The following NCOA2 variants were observed in gnomAD, a reference collection of about 807,000 sequenced individuals.
The protein encoded by NCOA2 is class E basic helix-loop-helix protein 75.
Under a neutral mutation model 145.1 loss-of-function variants are expected in NCOA2, and 21 were observed. The observed-to-expected ratio is 0.14, with a 90% CI of 0.10 to 0.21. The LOEUF (loss-of-function observed/expected upper bound fraction) is 0.21, where lower values mean the gene tolerates loss of function less well. Ranked by LOEUF, NCOA2 falls within the 10% of genes least tolerant of loss-of-function variation. The pLI is 1.00. For synonymous variants in NCOA2, 619 were observed against 637.5 expected (o/e 0.97, Z 0.44); for missense variants, 1,472 against 1,837.6 (o/e 0.80, Z 3.64).
At chr8:70,259,918 A>G (rs953319729) in intron 2 of NCOA2, among the ~76,000 whole-genome samples, 1 of 152,240 alleles carries the variant, frequency 6.6e-6, no homozygotes, top group African/African-American at 2.4e-5. Flanking sequence ...AATTCACTGT[A>G]CTGAGTCCCT....
rs377192067 is a variant in NCOA2, at chr8:70,148,360, T to A, written c.2518A>T (p.Ile840Phe). The A allele has an allele frequency of 6.2e-7, 1 of 1,613,924 alleles. No homozygotes were observed. Among genetic ancestry groups the A allele is most frequent in the Admixed American group, 1.7e-5 (1 of 60,008 alleles). The stretch of plus-strand genomic sequence containing the variant: ...GCTGTGAGTTGCATGAGGTCATTGA[T>A]GATGGCTTGCTTGTCAACTGATCCA... The part of the protein sequence containing the change: ...PAGSVDKQAI[I>F]NDLMQLTAEN... Residue 840 changes from isoleucine (I) to phenylalanine (F), a missense_variant, in exon 12 of 23, where the codon ATC (isoleucine) becomes TTC (phenylalanine). Coordinates refer to ENST00000452400, the MANE Select transcript of NCOA2 (RefSeq NM_006540.4).
intron 15 of NCOA2, among the ~76,000 whole-genome samples, chr8:70,136,003 T>C (rs1809681611): frequency 6.6e-6 from 1 of 152,210 alleles, no homozygotes; most frequent in African/African-American, 2.4e-5. Flanking sequence ...AAGCAGCAGC[T>C]ACTGAATGAT....
chr8:70,247,098 T>A (rs993124791), intron 2 of NCOA2, among the ~76,000 whole-genome samples: 4 of 152,050 alleles, frequency 2.6e-5, no homozygotes, highest in African/African-American at 9.7e-5. Flanking sequence ...CCACTCAACA[T>A]AGAAATAAAT....
intron 2 of NCOA2, among the ~76,000 whole-genome samples, chr8:70,271,562 A>G (rs182150288): frequency 7.1e-4 from 108 of 152,320 alleles, no homozygotes; most frequent in Admixed American, 3.3e-3. Flanking sequence ...TGCTCTCACT[A>G]GACTTGACTA....
intron 2 of NCOA2, among the ~76,000 whole-genome samples, chr8:70,288,015 G>T (rs115224559): frequency 0.011 from 1,721 of 152,210 alleles, 42 homozygotes; most frequent in African/African-American, 0.039. Context: ...TCCCAATTTG[G>T]CCTCTAACTG....
intron 2 of NCOA2, among the ~76,000 whole-genome samples, chr8:70,249,882 G>A (rs2977976): frequency 0.75 from 111,755 of 148,266 alleles, 43,292 homozygotes; most frequent in Non-Finnish European, 0.84. Flanking sequence ...AGAATCGCTT[G>A]AACCTGGGAG....
At chr8:70,240,703 A>G (rs1822053520) in intron 2 of NCOA2, among the ~76,000 whole-genome samples, 1 of 152,172 alleles carries the variant, frequency 6.6e-6, no homozygotes, top group Admixed American at 6.6e-5. Flanking sequence ...CAACAATATT[A>G]TGTAACTTAC....
At chr8:70,427,881 T>C in the NCOA2 span, among the ~76,000 whole-genome samples, 2 of 152,206 alleles carry the variant, frequency 1.3e-5, no homozygotes, top group Non-Finnish European at 2.9e-5. Flanking sequence ...AACTGTGATG[T>C]TGTGGCTTTT....
intron 18 of NCOA2, 147 bp downstream of exon 18, chr8:70,128,286 C>T: frequency 1.5e-6 from 1 of 649,332 alleles, no homozygotes; most frequent in Non-Finnish European, 2.7e-6. Context: ...AAAAATATAA[C>T]ACACTAGTAG....
At chr8:70,237,478 T>C (rs1821734530) in intron 2 of NCOA2, among the ~76,000 whole-genome samples, 1 of 151,696 alleles carries the variant, frequency 6.6e-6, no homozygotes, top group Non-Finnish European at 1.5e-5. Flanking sequence ...TGTTAAAATT[T>C]AGGGCCAGGT....
At chr8:70,186,755 G>C (rs1216025840) in intron 4 of NCOA2, among the ~76,000 whole-genome samples, 6 of 152,122 alleles carry the variant, frequency 3.9e-5, no homozygotes, top group Admixed American at 3.9e-4. Context: ...TAAGAGATCA[G>C]GTAAAACAGT....
In NCOA2 at chr8:70,128,433, C is replaced by T; in HGVS notation, c.3681G>A (p.Gln1227=). Residue 1227 remains glutamine, a splice_region_variant and synonymous_variant, in exon 18 of 23, where the codon CAG becomes CAA. Transcript: ENST00000452400. ...NLTLRPGVPT[Q]APINAQMLAQ... ...GCTAATGGCTGGTATGTTGCCTTAC[C>T]TGTGTTGGTACTCCAGGCCTCAGAG... 4 of 1,611,106 alleles carry T rather than the reference C, an allele frequency of 2.5e-6. No individual in the cohort carries two copies. The highest frequency in any genetic ancestry group is 3.4e-6 in the Non-Finnish European group (4 of 1,178,662).
chr8:70,428,395 G>A, the NCOA2 span, among the ~76,000 whole-genome samples: 7 of 152,178 alleles, frequency 4.6e-5, no homozygotes, highest in African/African-American at 9.7e-5. Context: ...GGGAGGTTGA[G>A]GCTGCAGTAA....
chr8:70,130,546 C>CGTAAT, intron 16 of NCOA2, among the ~76,000 whole-genome samples: 1 of 152,086 alleles, frequency 6.6e-6, no homozygotes, highest in African/African-American at 2.4e-5. Context: ...ATTTTCCTTT[C>CGTAAT]TTATTTCAGG....
intron 11 of NCOA2, among the ~76,000 whole-genome samples, chr8:70,152,659 C>T (rs761636458): frequency 3.3e-5 from 5 of 152,140 alleles, no homozygotes; most frequent in Non-Finnish European, 7.4e-5. Context: ...AGTGTGTAAA[C>T]ATACTGGAAA....
chr8:70,166,066 C>T (rs1436555722), intron 7 of NCOA2, among the ~76,000 whole-genome samples: 2 of 152,160 alleles, frequency 1.3e-5, no homozygotes, highest in South Asian at 2.1e-4. Context: ...TCGTGATCCA[C>T]CCGCCTCAGT....
the NCOA2 span, among the ~76,000 whole-genome samples, chr8:70,445,603 C>T: frequency 0.091 from 13,766 of 152,000 alleles, 1,173 homozygotes; most frequent in African/African-American, 0.23. Context: ...AGACCCCCCA[C>T]GCCTCTGGCC....
At chr8:70,348,637 G>T (rs911790517) in intron 1 of NCOA2, among the ~76,000 whole-genome samples, 1 of 152,174 alleles carries the variant, frequency 6.6e-6, no homozygotes, top group Non-Finnish European at 1.5e-5. Flanking sequence ...GCAGTAGAAT[G>T]TACAGCTTTG....
At chr8:70,119,383 C>T (rs1807520254) in intron 22 of NCOA2, among the ~76,000 whole-genome samples, 1 of 152,168 alleles carries the variant, frequency 6.6e-6, no homozygotes, top group Admixed American at 6.5e-5. Flanking sequence ...CCACAAATGA[C>T]ATGATTTCAT....
Sources: gnomAD v4.1 joint callset for allele counts (sites outside exome capture counted in the v4.1 genomes callset) on GRCh38, gnomAD v4.1.1 for gene constraint, MANE v1.5 for transcripts, NCBI Gene and HGNC (gene_info 2026-07-23, HGNC 2026-07-21) for gene names.